Variants in CDH20 observed in about 807,000 individuals in gnomAD.
CDH20 encodes the protein cadherin 20.
CDH20 carries 29 observed loss-of-function variants against 74.2 expected under a neutral mutation model. The observed-to-expected ratio is 0.39, with a 90% CI of 0.29 to 0.53. CDH20 has a LOEUF of 0.53. Ranked by LOEUF, CDH20 falls within the 20% of genes least tolerant of loss-of-function variation. CDH20 has a pLI of 0.69. For missense variants in CDH20, 988 were observed against 1,048.3 expected (o/e 0.94, Z 0.79); for synonymous variants, 469 against 405.4 (o/e 1.16, Z -1.88).
chr18:61,527,526 C>T (rs984683546), intron 6 of CDH20, among the ~76,000 whole-genome samples: 1 of 152,034 alleles, frequency 6.6e-6, no homozygotes, highest in Non-Finnish European at 1.5e-5. Flanking sequence ...TGTGACCAAC[C>T]GTCCTGGTTT....
chr18:61,375,540 T>C (rs1911192840), intron 1 of CDH20, among the ~76,000 whole-genome samples: 1 of 152,166 alleles, frequency 6.6e-6, no homozygotes, highest in Non-Finnish European at 1.5e-5. Context: ...ACAGACTTCC[T>C]GTAGGTCACT....
intron 6 of CDH20, among the ~76,000 whole-genome samples, chr18:61,517,388 G>A (rs988097216): frequency 2.6e-5 from 4 of 152,156 alleles, no homozygotes; most frequent in Non-Finnish European, 4.4e-5. Context: ...TGAGGTACCC[G>A]GCTCATCTCA....
intron 4 of CDH20, among the ~76,000 whole-genome samples, chr18:61,502,008 G>C (rs1239051449): frequency 1.3e-5 from 2 of 152,150 alleles, no homozygotes; most frequent in South Asian, 4.1e-4. Context: ...ATACTACAAT[G>C]CAATATATAC....
intron 1 of CDH20, among the ~76,000 whole-genome samples, chr18:61,485,018 T>C (rs1444157410): frequency 6.6e-6 from 1 of 152,146 alleles, no homozygotes; most frequent in East Asian, 1.9e-4. Flanking sequence ...GTGAACATGA[T>C]AACAGCTGAA....
At chr18:61,504,402 C>A (rs138079345) in intron 5 of CDH20, among the ~76,000 whole-genome samples, 98 of 152,232 alleles carry the variant, frequency 6.4e-4, no homozygotes, top group African/African-American at 2.2e-3. Context: ...ATGACAATGA[C>A]GTTTTCACTC....
intron 9 of CDH20, among the ~76,000 whole-genome samples, chr18:61,541,282 T>C (rs967597657): frequency 1.1e-4 from 16 of 151,164 alleles, no homozygotes; most frequent in Admixed American, 2.0e-4. Flanking sequence ...TGTTTTATAT[T>C]ATAAAATTTA....
intron 5 of CDH20, among the ~76,000 whole-genome samples, chr18:61,506,550 A>G (rs1423290684): frequency 6.6e-6 from 1 of 152,210 alleles, no homozygotes; most frequent in African/African-American, 2.4e-5. Flanking sequence ...AGTCAGTCAC[A>G]TTATGATTGA....
At chr18:61,429,309 T>G (rs1025236685) in intron 1 of CDH20, among the ~76,000 whole-genome samples, 5 of 152,204 alleles carry the variant, frequency 3.3e-5, no homozygotes, top group Non-Finnish European at 5.9e-5. Flanking sequence ...GTGTTGATTC[T>G]GTGACTACAT....
intron 4 of CDH20, among the ~76,000 whole-genome samples, chr18:61,502,326 G>A (rs1911412537): frequency 1.3e-5 from 2 of 152,070 alleles, no homozygotes; most frequent in African/African-American, 4.8e-5. Flanking sequence ...AAAATAAACA[G>A]CTCACAGAGC....
At chr18:61,506,040 A>C (rs1911549402) in intron 5 of CDH20, among the ~76,000 whole-genome samples, 1 of 152,224 alleles carries the variant, frequency 6.6e-6, no homozygotes, top group Non-Finnish European at 1.5e-5. Flanking sequence ...TGACAAAATG[A>C]TACACCTACT....
Position 61,527,390 on chromosome 18 carries a change from G to GATGATAGATAGATAGATAGATAGATAC in CDH20, c.1018-575_1018-574insGATAGATAGATAGATAGATAGATACAT, listed in dbSNP as rs1912460925. Among the ~76,000 whole-genome samples the GATGATAGATAGATAGATAGATAGATAC allele has an allele frequency of 5.2e-5, 7 of 134,136 alleles. No individual in the cohort carries two copies. The South Asian group carries it at 1.6e-3, about 31-fold the overall frequency. 88.0% of individuals were successfully genotyped at this position (134,136 alleles called of 152,430 possible). On this transcript the variant is annotated intron_variant, in intron 6 of 11. Coordinates refer to ENST00000262717, the MANE Select transcript of CDH20 (RefSeq NM_031891.4). ...TAATAGATAGATAGATAGATAGATA[G>GATGATAGATAGATAGATAGATAGATAC]ATAGATAGATAGATAGATAGATAGA...
intron 1 of CDH20, among the ~76,000 whole-genome samples, chr18:61,433,900 A>G (rs901763600): frequency 6.6e-6 from 1 of 152,124 alleles, no homozygotes; most frequent in African/African-American, 2.4e-5. Flanking sequence ...CTCTCAGAAA[A>G]CAGAACCTTA....
At position 61,441,012 on chromosome 18, in the gene CDH20, C is replaced by T. The variant is rs139198200; in HGVS notation, c.-152-49390C>T. 6.0e-4 allele frequency among the ~76,000 whole-genome samples: 91 copies of T among 152,242 alleles called. No homozygotes were observed. In the East Asian group the frequency reaches 6.4e-3, roughly 11 times the overall value. On this transcript the variant is annotated intron_variant, in intron 1 of 11. Transcript: ENST00000262717. ...AATCAATCTAACAAGTCTCAAAGCA[C>T]ATGGAGAAATAGCAAACTAAGAAGC...
intron 1 of CDH20, among the ~76,000 whole-genome samples, chr18:61,430,001 C>G (rs1322000205): frequency 1.3e-5 from 2 of 151,846 alleles, no homozygotes; most frequent in Non-Finnish European, 2.9e-5. Flanking sequence ...AGGCAACCCA[C>G]AGGGGTCATC....
At chr18:61,399,443 C>T (rs1912088277) in intron 1 of CDH20, among the ~76,000 whole-genome samples, 1 of 152,118 alleles carries the variant, frequency 6.6e-6, no homozygotes, top group African/African-American at 2.4e-5. Flanking sequence ...CCCTGTTACA[C>T]TTGGCTTTGT....
intron 1 of CDH20, among the ~76,000 whole-genome samples, chr18:61,378,687 G>A (rs1418400087): frequency 1.3e-5 from 2 of 152,172 alleles, no homozygotes; most frequent in Non-Finnish European, 2.9e-5. Flanking sequence ...TAACCATTAC[G>A]ACTGGTGACT....
At chr18:61,435,708 GTAT>G (rs1352599195) in intron 1 of CDH20, among the ~76,000 whole-genome samples, 4 of 149,668 alleles carry the variant, frequency 2.7e-5, no homozygotes, top group African/African-American at 9.8e-5. Context: ...ATATATTAAT[GTAT>G]TATATTAAAT....
At position 61,555,338 on chromosome 18, in the gene CDH20, T is replaced by C; in HGVS notation, c.*643T>C. Reference sequence around the variant, plus strand: ...TGACTTTATGCTCAAGTTTAGTGGCTGAACCAAGAGATGTTGGCATTACAG... The same window carrying C: ...TGACTTTATGCTCAAGTTTAGTGGCCGAACCAAGAGATGTTGGCATTACAG... On this transcript the variant is annotated 3_prime_UTR_variant, in exon 12 of 12. Coordinates refer to ENST00000262717, the MANE Select transcript of CDH20 (RefSeq NM_031891.4). The C allele has an allele frequency of 1.0e-6, 1 of 985,600 alleles. No individual in the cohort carries two copies. The highest frequency in any genetic ancestry group is 1.2e-6 in the Non-Finnish European group (1 of 830,064). 61.1% of individuals were successfully genotyped at this position (985,600 alleles called of 1,614,324 possible). A position where few individuals can be genotyped will look rare whatever the true frequency, so the allele number is the denominator to read the frequency against.
chr18:61,458,298 C>T (rs1200805226), intron 1 of CDH20, among the ~76,000 whole-genome samples: 1 of 152,172 alleles, frequency 6.6e-6, no homozygotes, highest in Non-Finnish European at 1.5e-5. Context: ...TTCTAAAAAT[C>T]CTGTTCTAAA....
Sources: allele counts gnomAD v4.1 joint callset (sites outside exome capture counted in the v4.1 genomes callset), GRCh38; gene constraint gnomAD v4.1.1; transcripts MANE v1.5; gene names NCBI Gene and HGNC (gene_info 2026-07-23, HGNC 2026-07-21).